Variants in ZMIZ1 observed in about 807,000 individuals in gnomAD.
The protein encoded by ZMIZ1 is zinc finger MIZ domain-containing protein 1.
In ZMIZ1, 17 loss-of-function variants were observed where a neutral mutation model predicts 113.9. That is an observed-to-expected ratio of 0.15 (90% CI 0.10 to 0.22). The LOEUF is 0.22. ZMIZ1 is among the 10% of genes least tolerant of loss of function. The pLI is 1.00. For missense variants in ZMIZ1, 1,059 were observed against 1,477.8 expected (o/e 0.72, Z 4.65); for synonymous variants, 607 against 603.1 (o/e 1.01, Z -0.09).
intron 7 of ZMIZ1, among the ~76,000 whole-genome samples, chr10:79,254,868 C>T (rs765092798): frequency 2.0e-5 from 3 of 152,230 alleles, no homozygotes; most frequent in Admixed American, 1.3e-4. Context: ...TCGTGATTTT[C>T]AGCACATTGC....
intron 4 of ZMIZ1, among the ~76,000 whole-genome samples, chr10:79,197,211 C>T (rs1223264006): frequency 6.6e-6 from 1 of 152,178 alleles, no homozygotes; most frequent in Non-Finnish European, 1.5e-5. Context: ...CCTGTCCTGG[C>T]TGGCTGTGAA....
At chr10:79,289,679 C>G in intron 8 of ZMIZ1, 96 bp from the exon 9 acceptor site, 2 of 1,172,644 alleles carry the variant, frequency 1.7e-6, no homozygotes, top group Non-Finnish European at 2.5e-6. Flanking sequence ...CTTGGACTGA[C>G]TGGGAGCTGC....
intron 7 of ZMIZ1, among the ~76,000 whole-genome samples, chr10:79,251,741 A>G (rs533093308): frequency 2.0e-5 from 3 of 152,244 alleles, no homozygotes; most frequent in South Asian, 2.1e-4. Flanking sequence ...GGGAGTGGGG[A>G]CAGCTTGTGT....
intron 3 of ZMIZ1, among the ~76,000 whole-genome samples, chr10:79,142,643 C>G (rs907298799): frequency 2.6e-5 from 4 of 152,226 alleles, no homozygotes; most frequent in Non-Finnish European, 5.9e-5. Context: ...CCTTCCTGCC[C>G]ACACTTGGCC....
chr10:79,270,446 A>G (rs905665271), intron 7 of ZMIZ1, among the ~76,000 whole-genome samples: 8 of 152,190 alleles, frequency 5.3e-5, no homozygotes, highest in Non-Finnish European at 2.9e-5. Context: ...GCCCTTAGAC[A>G]TATCCACTGG....
rs1033979335 is a variant in ZMIZ1, at chr10:79,315,959, T to C, written c.*3210T>C. 1.3e-5 allele frequency: 2 copies of C among 152,804 alleles called. No homozygotes were observed. Among genetic ancestry groups the C allele is most frequent in the Non-Finnish European group, 2.9e-5 (2 of 68,052 alleles). 9.5% of individuals were successfully genotyped at this position (152,804 alleles called of 1,614,324 possible). A position where few individuals can be genotyped will look rare whatever the true frequency, so the allele number is the denominator to read the frequency against. ...GTCTGTCTCTCTCGCTCATGTAATA[T>C]ACTCTGACCCTGAGTGGAAAGGGGT... On this transcript the variant is annotated 3_prime_UTR_variant, in exon 25 of 25. Coordinates refer to ENST00000334512, the MANE Select transcript of ZMIZ1 (RefSeq NM_020338.4).
intron 1 of ZMIZ1, among the ~76,000 whole-genome samples, chr10:79,096,266 T>C (rs1026915677): frequency 6.6e-6 from 1 of 152,136 alleles, no homozygotes; most frequent in Non-Finnish European, 1.5e-5. Context: ...ATACCAGCAC[T>C]TTGGGAGGCC....
At chr10:79,212,746 ACT>A (rs1184755464) in intron 6 of ZMIZ1, among the ~76,000 whole-genome samples, 1 of 146,920 alleles carries the variant, frequency 6.8e-6, no homozygotes, top group African/African-American at 2.5e-5. Context: ...ACAGAGCGGG[ACT>A]CTGTCTCAAA....
intron 4 of ZMIZ1, among the ~76,000 whole-genome samples, chr10:79,188,989 C>A (rs934507766): frequency 3.3e-5 from 5 of 152,182 alleles, no homozygotes; most frequent in African/African-American, 9.7e-5. Flanking sequence ...TGGGCAGAGC[C>A]ATCTGGGGTG....
chr10:79,140,846 G>T lies in ZMIZ1; in HGVS notation c.-131+1069G>T, dbSNP rs143146818. 1.9e-3 allele frequency among the ~76,000 whole-genome samples: 292 copies of T among 152,196 alleles called. 2 individuals carry two copies. The highest frequency in any genetic ancestry group is 6.8e-3 in the African/African-American group (283 of 41,522). The stretch of plus-strand genomic sequence containing the variant: ...CACCCAGGTTGGAGTGCAGTGACAC[G>T]AACATGATTCACTGCAGCCTCGACC... On this transcript the variant is annotated intron_variant, in intron 3 of 24. Transcript: ENST00000334512.
rs551703800 is a variant in ZMIZ1, at chr10:79,109,988, G to A, written c.-336-8927G>A. ...TCAGATGAGAAAAAGGTTCAGTGAA[G>A]GCTGCAGGGTGGTACCCATAGGACT... On this transcript the variant is annotated intron_variant, in intron 1 of 24. Transcript: ENST00000334512. Among the ~76,000 whole-genome samples, 7 of 152,362 alleles carry A rather than the reference G, an allele frequency of 4.6e-5. No individual in the cohort carries two copies. The East Asian group carries it at 1.3e-3, about 29-fold the overall frequency.
At chr10:79,255,701 C>G (rs1467311855) in intron 7 of ZMIZ1, among the ~76,000 whole-genome samples, 1 of 152,180 alleles carries the variant, frequency 6.6e-6, no homozygotes, top group East Asian at 1.9e-4. Flanking sequence ...CCCGCCACCC[C>G]CCACATTGAG....
intron 7 of ZMIZ1, among the ~76,000 whole-genome samples, chr10:79,251,218 G>A (rs1020719010): frequency 6.6e-6 from 1 of 151,998 alleles, no homozygotes; most frequent in Non-Finnish European, 1.5e-5. Context: ...CTCCTCTCCT[G>A]TCTTCTCCAC....
chr10:79,270,710 A>G (rs1348704903), intron 7 of ZMIZ1, among the ~76,000 whole-genome samples: 2 of 152,100 alleles, frequency 1.3e-5, no homozygotes, highest in Non-Finnish European at 2.9e-5. Flanking sequence ...TGCTGAGGTC[A>G]ACTCTCCCTT....
chr10:79,203,582 G>A (rs547897444), intron 5 of ZMIZ1, among the ~76,000 whole-genome samples: 1 of 152,248 alleles, frequency 6.6e-6, no homozygotes, highest in African/African-American at 2.4e-5. Flanking sequence ...CCCTCTGCAT[G>A]GCAGGCACAC....
At chr10:79,151,495 A>C (rs1242282930) in intron 3 of ZMIZ1, among the ~76,000 whole-genome samples, 3 of 152,260 alleles carry the variant, frequency 2.0e-5, no homozygotes, top group Non-Finnish European at 4.4e-5. Flanking sequence ...TGGCACACTC[A>C]TCCGGTGTTG....
intron 1 of ZMIZ1, among the ~76,000 whole-genome samples, chr10:79,074,399 C>G (rs1842402242): frequency 6.6e-6 from 1 of 152,156 alleles, no homozygotes; most frequent in Admixed American, 6.5e-5. Context: ...CTGTCTTCCC[C>G]CTCCCATATG....
chr10:79,079,970 C>A (rs529641458), intron 1 of ZMIZ1, among the ~76,000 whole-genome samples: 1 of 152,220 alleles, frequency 6.6e-6, no homozygotes, highest in African/African-American at 2.4e-5. Flanking sequence ...GAGGGGCACA[C>A]GGTGTCTTCA....
chr10:79,197,311 T>C (rs922720061), intron 4 of ZMIZ1, among the ~76,000 whole-genome samples: 1 of 152,192 alleles, frequency 6.6e-6, no homozygotes, highest in Non-Finnish European at 1.5e-5. Flanking sequence ...GGGTATCACA[T>C]GGTGCCTGGG....
Sources: allele counts gnomAD v4.1 joint callset (sites outside exome capture counted in the v4.1 genomes callset), GRCh38; gene constraint gnomAD v4.1.1; transcripts MANE v1.5; gene names NCBI Gene and HGNC (gene_info 2026-07-23, HGNC 2026-07-21).